Variants in RORA observed in about 807,000 individuals in gnomAD.
RORA encodes nuclear receptor ROR-alpha.
A neutral mutation model predicts 69.5 loss-of-function variants in RORA; 7 were observed. That is an observed-to-expected ratio of 0.10 (90% CI 0.06 to 0.19). The LOEUF (loss-of-function observed/expected upper bound fraction) is 0.19. Ranked by LOEUF, RORA falls within the 10% of genes least tolerant of loss-of-function variation. The pLI, the probability that RORA is intolerant of heterozygous loss-of-function variation, is 1.00. For synonymous variants in RORA, 261 were observed against 240.8 expected (o/e 1.08, Z -0.78); for missense variants, 457 against 663.0 (o/e 0.69, Z 3.41).
intron 1 of RORA, among the ~76,000 whole-genome samples, chr15:60,884,517 A>G (rs914098429): frequency 6.6e-6 from 1 of 152,186 alleles, no homozygotes; most frequent in Non-Finnish European, 1.5e-5. Flanking sequence ...AAATCTAAAA[A>G]TATAAATCCA....
intron 1 of RORA, among the ~76,000 whole-genome samples, chr15:60,971,496 C>A (rs111394802): frequency 9.9e-5 from 15 of 152,266 alleles, no homozygotes; most frequent in African/African-American, 3.6e-4. Flanking sequence ...CCAGACATAT[C>A]GTGCTTTTCC....
chr15:60,607,245 A>G lies in RORA; in HGVS notation c.196+71412T>C, dbSNP rs543655215. ...TGCATCCTGTATTACAGCATACTGT[A>G]CACACCATAATAATTAATGGTTATA... is the stretch of plus-strand genomic sequence containing the variant. On this transcript the variant is annotated intron_variant, in intron 2 of 10. Transcript: ENST00000335670. Among the ~76,000 whole-genome samples the G allele has an allele frequency of 5.8e-4, 89 of 152,340 alleles. 1 individual carries two copies. The South Asian group carries it at 0.018, about 32-fold the overall frequency.
At chr15:60,698,843 C>T (rs12438461) in intron 1 of RORA, among the ~76,000 whole-genome samples, 114,116 of 151,942 alleles carry the variant, frequency 0.75, 43,192 homozygotes, top group Admixed American at 0.86. Flanking sequence ...TTTCTTTGTT[C>T]ATTTATGATG....
chr15:60,868,458 C>G (rs942281294), intron 1 of RORA, among the ~76,000 whole-genome samples: 1 of 152,136 alleles, frequency 6.6e-6, no homozygotes, highest in African/African-American at 2.4e-5. Flanking sequence ...GCATTGAAAG[C>G]TGTTTTATTA....
At chr15:61,034,488 A>G (rs1449543582) in intron 1 of RORA, among the ~76,000 whole-genome samples, 1 of 152,100 alleles carries the variant, frequency 6.6e-6, no homozygotes, top group Non-Finnish European at 1.5e-5. Context: ...CTGTTAAAAA[A>G]CCATTGACAT....
chr15:61,146,212 T>C (rs1223744834), intron 1 of RORA, among the ~76,000 whole-genome samples: 2 of 152,206 alleles, frequency 1.3e-5, no homozygotes, highest in African/African-American at 4.8e-5. Context: ...AAAGGAAAGA[T>C]GCTATTGCTT....
At chr15:60,995,314 A>C (rs2140373795) in intron 1 of RORA, among the ~76,000 whole-genome samples, 1 of 152,286 alleles carries the variant, frequency 6.6e-6, no homozygotes, top group Non-Finnish European at 1.5e-5. Context: ...CAGATAAATG[A>C]GGGCCTGCCT....
rs118157075 is a variant in RORA at position 60,767,757 on chromosome 15, G to A, written c.167-89071C>T. Among the ~76,000 whole-genome samples the A allele has an allele frequency of 2.0e-4, 30 of 152,150 alleles. No homozygotes were observed. In the East Asian group the frequency reaches 5.4e-3, roughly 27 times the overall value. On this transcript the variant is annotated intron_variant, in intron 1 of 10. Transcript: ENST00000335670. The stretch of plus-strand genomic sequence containing the variant: ...TTTTGTACCTGCAAACTCCCTTCTT[G>A]CTTTGCAAAACCAAGAATAATTGTT...
chr15:61,217,481 G>A (rs547374982), intron 1 of RORA, among the ~76,000 whole-genome samples: 1 of 152,242 alleles, frequency 6.6e-6, no homozygotes. Flanking sequence ...GAGGGGAAAG[G>A]TGAAGGCACA....
rs1278855213 is a variant in RORA at position 60,497,030 on chromosome 15, T to C, written c.*425A>G. The C allele has an allele frequency of 6.5e-6, 1 of 154,928 alleles. No homozygotes were observed. Among genetic ancestry groups the C allele is most frequent in the Non-Finnish European group, 1.4e-5 (1 of 69,946 alleles). The allele number at this position is 154,928 out of a possible 1,614,324, so 9.6% of individuals were successfully genotyped here. On this transcript the variant is annotated 3_prime_UTR_variant, in exon 11 of 11. Coordinates refer to ENST00000335670, the MANE Select transcript of RORA (RefSeq NM_134261.3). ...TTCCTTCATGAAACAAAGAGCTAGT[T>C]GTGCAAAGTAATGCCGCAACCTCCG...
chr15:61,016,394 C>G (rs1215414441), intron 1 of RORA, among the ~76,000 whole-genome samples: 1 of 152,164 alleles, frequency 6.6e-6, no homozygotes. Context: ...AGAAAATGGT[C>G]TCCCAGGATA....
At chr15:60,569,286 A>G (rs1274059492) in intron 2 of RORA, among the ~76,000 whole-genome samples, 2 of 147,870 alleles carry the variant, frequency 1.4e-5, no homozygotes, top group Non-Finnish European at 3.0e-5. Flanking sequence ...AAAAAAAGCC[A>G]TGTGTGGTGT....
intron 2 of RORA, among the ~76,000 whole-genome samples, chr15:60,567,289 C>T (rs1039023926): frequency 1.3e-5 from 2 of 151,928 alleles, no homozygotes; most frequent in African/African-American, 2.4e-5. Flanking sequence ...TGCCGTCCAG[C>T]GGTCCAAGTG....
chr15:60,974,647 G>C (rs181926742), intron 1 of RORA, among the ~76,000 whole-genome samples: 1 of 152,174 alleles, frequency 6.6e-6, no homozygotes, highest in South Asian at 2.1e-4. Flanking sequence ...CTGAGTCTGT[G>C]CCAGGTTCCT....
At chr15:60,946,504 G>T (rs1341658569) in intron 1 of RORA, among the ~76,000 whole-genome samples, 3 of 152,228 alleles carry the variant, frequency 2.0e-5, no homozygotes, top group Admixed American at 2.0e-4. Flanking sequence ...TCCTAACCGG[G>T]AGTGATCTGC....
chr15:60,644,592 A>G (rs1204274416), intron 2 of RORA, among the ~76,000 whole-genome samples: 1 of 152,220 alleles, frequency 6.6e-6, no homozygotes, highest in Non-Finnish European at 1.5e-5. Flanking sequence ...TCATGTCCTT[A>G]TTCCCAAATT....
Position 60,855,851 on chromosome 15 carries a change from G to A in RORA, c.167-177165C>T, listed in dbSNP as rs950797169. ...AGGCTGGTCTCGAACTCCTGACAAC[G>A]TGATCCATCCACCTCGGCCTCCCAA... is the stretch of plus-strand genomic sequence containing the variant. On this transcript the variant is annotated intron_variant, in intron 1 of 10. Transcript: ENST00000335670. Among the ~76,000 whole-genome samples, 6 of 152,186 alleles carry A rather than the reference G, an allele frequency of 3.9e-5. No homozygotes were observed. The East Asian group carries it at 5.8e-4, about 15-fold the overall frequency.
chr15:61,197,391 C>T (rs543417957), intron 1 of RORA, among the ~76,000 whole-genome samples: 2 of 152,276 alleles, frequency 1.3e-5, no homozygotes, highest in South Asian at 2.1e-4. Context: ...TGCCAAGAGC[C>T]GAACCGCGGC....
intron 1 of RORA, among the ~76,000 whole-genome samples, chr15:61,151,527 T>A (rs992317050): frequency 6.6e-6 from 1 of 152,202 alleles, no homozygotes; most frequent in African/African-American, 2.4e-5. Context: ...CTGCAACTCA[T>A]CCATCTGTTC....
Sources: gnomAD v4.1 joint callset for allele counts (sites outside exome capture counted in the v4.1 genomes callset) on GRCh38, gnomAD v4.1.1 for gene constraint, MANE v1.5 for transcripts, NCBI Gene and HGNC (gene_info 2026-07-23, HGNC 2026-07-21) for gene names.